The following NEK10 variants were observed in gnomAD, a reference collection of about 807,000 sequenced individuals.
The protein encoded by NEK10 is NIMA related kinase 10.
In NEK10, 122 loss-of-function variants were observed where a neutral mutation model predicts 159.8. The observed-to-expected ratio is 0.76, with a 90% CI of 0.66 to 0.89. The LOEUF (loss-of-function observed/expected upper bound fraction) is 0.89. Ranked by LOEUF, NEK10 falls within the 40% of genes least tolerant of loss-of-function variation. The pLI is 0.00. For synonymous variants in NEK10, 466 were observed against 457.1 expected (o/e 1.02, Z -0.25); for missense variants, 1,342 against 1,323.1 (o/e 1.01, Z -0.22).
chr3:27,151,300 G>T (rs568381688), intron 30 of NEK10, among the ~76,000 whole-genome samples: 1 of 152,096 alleles, frequency 6.6e-6, no homozygotes, highest in Non-Finnish European at 1.5e-5. Context: ...ACCCACGGTT[G>T]AGAGACCCAT....
rs754467082 is a variant in NEK10 at position 27,162,687 on chromosome 3, C to T, written c.2869+14G>A. 3 of 1,613,912 alleles carry T rather than the reference C, an allele frequency of 1.9e-6. No individual in the cohort carries two copies. The highest frequency in any genetic ancestry group is 1.1e-5 in the South Asian group (1 of 91,062). Reference sequence around the variant, plus strand: ...GAGTTGTGTTTGATTTTATTGCTACCAACACTAAGTTACCTGGTCTTGGTC... The same window carrying T: ...GAGTTGTGTTTGATTTTATTGCTACTAACACTAAGTTACCTGGTCTTGGTC... On this transcript the variant is annotated intron_variant, in intron 30 of 35. Transcript: ENST00000691995.
chr3:27,194,143 T>TTTTTTTTTTTTG (rs1949365858), intron 25 of NEK10: 1 of 112,590 alleles, frequency 8.9e-6, no homozygotes, highest in African/African-American at 3.7e-5. Context: ...TTTTTTTTTT[T>TTTTTTTTTTTTG]GAGACGGAGT....
At chr3:27,354,909 T>C (rs1442665917) in intron 1 of NEK10, among the ~76,000 whole-genome samples, 1 of 152,154 alleles carries the variant, frequency 6.6e-6, no homozygotes, top group Non-Finnish European at 1.5e-5. Flanking sequence ...TCCTCTCTTG[T>C]GGTAGTGACT....
chr3:27,169,573 C>T (rs1946770777), intron 29 of NEK10, among the ~76,000 whole-genome samples: 2 of 152,214 alleles, frequency 1.3e-5, no homozygotes, highest in South Asian at 4.1e-4. Flanking sequence ...CCTAACTCCT[C>T]CTGATCTTCA....
At chr3:27,188,280 A>C (rs1948800293) in intron 26 of NEK10, among the ~76,000 whole-genome samples, 1 of 152,168 alleles carries the variant, frequency 6.6e-6, no homozygotes, top group South Asian at 2.1e-4. Flanking sequence ...AATCATTAGA[A>C]AGTTCCTCCT....
intron 1 of NEK10, among the ~76,000 whole-genome samples, chr3:27,356,390 T>C (rs999399192): frequency 6.6e-6 from 1 of 152,088 alleles, no homozygotes; most frequent in African/African-American, 2.4e-5. Context: ...TGTGTACCTG[T>C]AGTGCAAGCT....
intron 26 of NEK10, among the ~76,000 whole-genome samples, chr3:27,176,502 C>T (rs1947522052): frequency 1.3e-5 from 2 of 152,164 alleles, no homozygotes; most frequent in South Asian, 2.1e-4. Flanking sequence ...CCAGCCTCAG[C>T]TCTGCCACAC....
rs575751582 is a variant in NEK10, at chr3:27,192,210, T to A, written c.2324A>T (p.Asp775Val). ...CLTPDAEARP[D>V]IVEVSSMISD... ...TATCATCGAACTGACTTCTACAATA[T>A]CTGGACGAGCTTCCGCATCAGGAGT... The change falls in exon 26 of 36, where the codon GAT (aspartate) becomes GTT (valine). Residue 775 changes from aspartate to valine, a missense_variant. Coordinates refer to ENST00000691995, the MANE Select transcript of NEK10 (RefSeq NM_001394966.1). The A allele has an allele frequency of 6.2e-7, 1 of 1,614,136 alleles. No individual in the cohort carries two copies. The highest frequency in any genetic ancestry group is 1.1e-5 in the South Asian group (1 of 91,072).
chr3:27,286,246 C>T (rs1291427089), intron 20 of NEK10, among the ~76,000 whole-genome samples: 4 of 151,226 alleles, frequency 2.6e-5, no homozygotes, highest in South Asian at 2.1e-4. Flanking sequence ...CCACGACGCC[C>T]GGCTAATTTT....
intron 20 of NEK10, among the ~76,000 whole-genome samples, chr3:27,285,722 C>A (rs1257738047): frequency 6.6e-6 from 1 of 152,042 alleles, no homozygotes; most frequent in Non-Finnish European, 1.5e-5. Context: ...TCTTTTGAAA[C>A]CTTGGGATGT....
At position 27,136,103 on chromosome 3, in the gene NEK10, ATTTTTTT is replaced by A. The variant is rs775843715; in HGVS notation, c.2971-4120_2971-4114del. Among the ~76,000 whole-genome samples the A allele has an allele frequency of 3.1e-4, 19 of 60,702 alleles. No homozygotes were observed. In the South Asian group the frequency reaches 6.0e-3, roughly 19 times the overall value. 39.8% of individuals were successfully genotyped at this position (60,702 alleles called of 152,430 possible). A position where few individuals can be genotyped will look rare whatever the true frequency, so the allele number is the denominator to read the frequency against. Reference sequence around the variant, plus strand: ...GGCTTGCCTGTTCTCTAGGAGATCGATTTTTTTTTTTTTTTTTTTTTTTTTTTGAGAT... The same window carrying A: ...GGCTTGCCTGTTCTCTAGGAGATCGATTTTTTTTTTTTTTTTTTTTGAGAT... On this transcript the variant is annotated intron_variant, in intron 31 of 35. Coordinates refer to ENST00000691995, the MANE Select transcript of NEK10 (RefSeq NM_001394966.1).
rs552326051 is a variant in NEK10, at chr3:27,110,947, T to C, written c.*325A>G. The stretch of plus-strand genomic sequence containing the variant: ...AAGTTTTTTTTAATGTTAAGGAAAA[T>C]TCTGTAAGAGAGTTTTTTTGTTGTT... On this transcript the variant is annotated 3_prime_UTR_variant, in exon 36 of 36. Coordinates refer to ENST00000691995, the MANE Select transcript of NEK10 (RefSeq NM_001394966.1). The C allele has an allele frequency of 6.6e-4, 145 of 219,950 alleles. No individual in the cohort carries two copies. Among genetic ancestry groups the C allele is most frequent in the African/African-American group, 3.2e-3 (143 of 44,242 alleles). 13.6% of individuals were successfully genotyped at this position (219,950 alleles called of 1,614,324 possible). A position where few individuals can be genotyped will look rare whatever the true frequency, so the allele number is the denominator to read the frequency against.
At chr3:27,266,561 ACTC>A (rs1169841082) in intron 22 of NEK10, among the ~76,000 whole-genome samples, 1 of 151,550 alleles carries the variant, frequency 6.6e-6, no homozygotes, top group Non-Finnish European at 1.5e-5. Flanking sequence ...AACCCAAACA[ACTC>A]CTCCTTGGTT....
At chr3:27,359,101 C>T (rs1480760686) in intron 1 of NEK10, among the ~76,000 whole-genome samples, 1 of 151,024 alleles carries the variant, frequency 6.6e-6, no homozygotes, top group African/African-American at 2.4e-5. Context: ...ACTCAGGAGG[C>T]TGAGGCAGGA....
In NEK10 at chr3:27,291,297, G is replaced by A; in HGVS notation, c.1570C>T (p.His524Tyr). The A allele has an allele frequency of 6.2e-7, 1 of 1,613,736 alleles. No homozygotes were observed. The highest frequency in any genetic ancestry group is 1.6e-4 in the Middle Eastern group (1 of 6,062). ...CAGCCAAAAGCTCCACTTCCAAGATGATCCAAAATTGCATAGTTGCCTATA... is the reference window on the plus strand; with the variant it reads ...CAGCCAAAAGCTCCACTTCCAAGATAATCCAAAATTGCATAGTTGCCTATA... The part of the protein sequence containing the change: ...KYIGNYAILD[H>Y]LGSGAFGCVY... The change falls in exon 18 of 36, where the codon CAT (histidine) becomes TAT (tyrosine). Residue 524 changes from histidine (H) to tyrosine (Y), a missense_variant. Coordinates refer to ENST00000691995, the MANE Select transcript of NEK10 (RefSeq NM_001394966.1).
chr3:27,368,773 T>C (rs963249993), intron 1 of NEK10, among the ~76,000 whole-genome samples: 3 of 151,942 alleles, frequency 2.0e-5, no homozygotes, highest in African/African-American at 4.8e-5. Context: ...AGATGGTGCC[T>C]GAGGCGAGGA....
intron 31 of NEK10, among the ~76,000 whole-genome samples, chr3:27,134,162 T>C (rs1278517221): frequency 2.0e-5 from 3 of 151,982 alleles, no homozygotes; most frequent in African/African-American, 7.3e-5. Context: ...ATAAATGATA[T>C]ATGTGTGTGA....
At chr3:27,307,766 C>G (rs996448048) in intron 11 of NEK10, 93 bp downstream of exon 11, 1 of 713,162 alleles carries the variant, frequency 1.4e-6, no homozygotes, top group African/African-American at 1.8e-5. Context: ...TATTCAGTTA[C>G]AATGTAAATA....
At chr3:27,314,392 G>C in intron 6 of NEK10, 54 bp from the exon 7 acceptor site, 8 of 1,073,204 alleles carry the variant, frequency 7.5e-6, no homozygotes, top group Non-Finnish European at 9.9e-6. Flanking sequence ...GGAGGGGGAA[G>C]TATATTTTAC....
Sources: gnomAD v4.1 joint callset for allele counts (sites outside exome capture counted in the v4.1 genomes callset) on GRCh38, gnomAD v4.1.1 for gene constraint, MANE v1.5 for transcripts, NCBI Gene and HGNC (gene_info 2026-07-23, HGNC 2026-07-21) for gene names.